Variants in IL10RA observed in about 807,000 individuals in gnomAD.
IL10RA encodes the protein interleukin 10 receptor subunit alpha.
A neutral mutation model predicts 29.6 loss-of-function variants in IL10RA; 18 were observed. The ratio of observed to expected loss-of-function variants is 0.61; its 90% CI spans 0.42 to 0.90. The LOEUF is 0.90. IL10RA is among the 40% of genes least tolerant of loss of function. IL10RA has a pLI of 0.00. For synonymous variants in IL10RA, 292 were observed against 294.1 expected (o/e 0.99, Z 0.07); for missense variants, 634 against 716.6 (o/e 0.88, Z 1.32).
Position 117,995,721 on chromosome 11 carries a change from C to T in IL10RA, c.810+11C>T, listed in dbSNP as rs763760161. On this transcript the variant is annotated intron_variant, in intron 6 of 6. Coordinates refer to ENST00000227752, the MANE Select transcript of IL10RA (RefSeq NM_001558.4). ...CTACCCAGTGTCCTGGTGAGTCTTG[C>T]AAGGAGGTCACTGCCCCGTCCTTCC... The T allele has an allele frequency of 1.9e-6, 3 of 1,612,022 alleles. No homozygotes were observed. Among genetic ancestry groups the T allele is most frequent in the South Asian group, 1.1e-5 (1 of 91,062 alleles).
At chr11:117,987,158 C>T (rs773192222) in intron 1 of IL10RA, 6 of 321,544 alleles carry the variant, frequency 1.9e-5, no homozygotes, top group Non-Finnish European at 2.5e-5. Flanking sequence ...ATGAAAGAGC[C>T]GGGAGTTGGA....
chr11:117,994,271 C>T (rs2058042556), intron 5 of IL10RA, 122 bp downstream of exon 5: 4 of 777,950 alleles, frequency 5.1e-6, no homozygotes, highest in Non-Finnish European at 8.3e-6. Flanking sequence ...TCACATAGCT[C>T]TGCATCCTTA....
In IL10RA at chr11:117,995,757, C is replaced by G. The variant is rs778675231; in HGVS notation, c.810+47C>G. On this transcript the variant is annotated intron_variant, in intron 6 of 6. Coordinates refer to ENST00000227752, the MANE Select transcript of IL10RA (RefSeq NM_001558.4). The stretch of plus-strand genomic sequence containing the variant: ...CTGCCCCGTCCTTCCCAGCCACACC[C>G]GAGCTTCCAGGAGGGCAGGGAGCTC... 8 of 1,602,586 alleles carry G rather than the reference C, an allele frequency of 5.0e-6. No homozygotes were observed. In the South Asian group the frequency reaches 8.8e-5, roughly 18 times the overall value.
Position 118,000,981 on chromosome 11 carries a change from A to G in IL10RA, c.*1340A>G. On this transcript the variant is annotated 3_prime_UTR_variant, in exon 7 of 7. Transcript: ENST00000227752. Reference sequence around the variant, plus strand: ...CCACAGGCATGGAAGCTGTGAGGGGACAGGCCTGTGCGTGCCATCCAGAGT... The same window carrying G: ...CCACAGGCATGGAAGCTGTGAGGGGGCAGGCCTGTGCGTGCCATCCAGAGT... 1 of 454,168 alleles carries G rather than the reference A, an allele frequency of 2.2e-6. No individual in the cohort carries two copies. The highest frequency in any genetic ancestry group is 4.4e-6 in the Non-Finnish European group (1 of 226,768). 28.1% of individuals were successfully genotyped at this position (454,168 alleles called of 1,614,324 possible).
At chr11:117,993,512 T>G in intron 4 of IL10RA, 102 bp downstream of exon 4, 1 of 1,049,280 alleles carries the variant, frequency 9.5e-7, no homozygotes, top group Admixed American at 1.8e-5. Context: ...GCTTATGGAC[T>G]AAAGGGAGGG....
intron 4 of IL10RA, 61 bp downstream of exon 4, chr11:117,993,471 G>A (rs1855678307): frequency 6.9e-7 from 1 of 1,450,388 alleles, no homozygotes; most frequent in Non-Finnish European, 9.7e-7. Flanking sequence ...CCCCTGGGCT[G>A]GAAGCACCCT....
At chr11:117,994,720 G>A (rs981998567) in intron 5 of IL10RA, among the ~76,000 whole-genome samples, 3 of 152,214 alleles carry the variant, frequency 2.0e-5, no homozygotes, top group African/African-American at 7.2e-5. Context: ...GCACAGAGGA[G>A]ACTGTAACAA....
In IL10RA at chr11:117,999,475, C is replaced by A; in HGVS notation, c.1571C>A (p.Ser524Ter). 6.2e-7 allele frequency: 1 copy of A among 1,614,200 alleles called. No homozygotes were observed. Among genetic ancestry groups the A allele is most frequent in the Non-Finnish European group, 8.5e-7 (1 of 1,180,024 alleles). The change falls in exon 7 of 7, where the codon TCA becomes TAA. Residue 524 changes from serine (S) to a stop codon, truncating the protein, a stop_gained. Coordinates refer to ENST00000227752, the MANE Select transcript of IL10RA (RefSeq NM_001558.4). LOFTEE classifies it low-confidence loss of function (END_TRUNC). ...GQWNQPTEEW[S>*]LLALSSCSDL... ...TGGAACCAGCCCACTGAGGAATGGTCACTCCTGGCCTTGAGCAGCTGCAGT... is the reference window on the plus strand; with the variant it reads ...TGGAACCAGCCCACTGAGGAATGGTAACTCCTGGCCTTGAGCAGCTGCAGT...
rs150953874 is a variant in IL10RA, at chr11:117,987,769, T to A, written c.68-613T>A. 7.2e-4 allele frequency: 127 copies of A among 175,292 alleles called. No individual in the cohort carries two copies. The East Asian group carries it at 0.015, about 20-fold the overall frequency. The allele number at this position is 175,292 out of a possible 1,614,324, so 10.9% of individuals were successfully genotyped here. A position where few individuals can be genotyped will look rare whatever the true frequency, so the allele number is the denominator to read the frequency against. The stretch of plus-strand genomic sequence containing the variant: ...TTGTGGGGATGTCCTCAGCCATGTG[T>A]AGAGCCAGAGCTGATTTATTCCATC... On this transcript the variant is annotated intron_variant, in intron 1 of 6. Transcript: ENST00000227752.
In IL10RA at chr11:117,999,325, G is replaced by T; in HGVS notation, c.1421G>T (p.Gly474Val). 3 of 1,614,220 alleles carry T rather than the reference G, an allele frequency of 1.9e-6. No individual in the cohort carries two copies. The South Asian group carries it at 3.3e-5, about 18-fold the overall frequency. ...GAATCGCCCTTGACAGATGGCCTTG[G>T]CCCCAAATTCGGGAGATGCCTGGTT... ...EEESPLTDGL[G>V]PKFGRCLVDE... is the part of the protein sequence containing the mutation. The change falls in exon 7 of 7, where the codon GGC becomes GTC. Residue 474 changes from glycine (G) to valine (V), a missense_variant. Coordinates refer to ENST00000227752, the MANE Select transcript of IL10RA (RefSeq NM_001558.4).
At position 117,989,671 on chromosome 11, in the gene IL10RA, A is replaced by C. The variant is rs573760785; in HGVS notation, c.367+51A>C. The C allele has an allele frequency of 1.9e-6, 3 of 1,566,046 alleles. No individual in the cohort carries two copies. The Admixed American group carries it at 5.1e-5, about 27-fold the overall frequency. On this transcript the variant is annotated intron_variant, in intron 3 of 6. Coordinates refer to ENST00000227752, the MANE Select transcript of IL10RA (RefSeq NM_001558.4). This position sits in a 1 kb window ranked among gnomAD's most constrained non-coding sequence, Gnocchi z 4.5. ...CATGGCTCTGAAGTCCCTTCCAGCC[A>C]GGAACTCTAGTCTAGAGCTTTTCTG...
At chr11:117,994,426 G>A (rs2058043458) in intron 5 of IL10RA, among the ~76,000 whole-genome samples, 1 of 152,166 alleles carries the variant, frequency 6.6e-6, no homozygotes, top group Non-Finnish European at 1.5e-5. Flanking sequence ...GCACAGCGGT[G>A]TTTCCCAACA....
In IL10RA at chr11:117,986,752, G is replaced by A. The variant is rs777725134; in HGVS notation, c.67+218G>A. 6.0e-5 allele frequency: 92 copies of A among 1,532,246 alleles called. 1 individual carries two copies. Among genetic ancestry groups the A allele is most frequent in the Non-Finnish European group, 4.3e-5 (49 of 1,145,282 alleles). 94.9% of individuals were successfully genotyped at this position (1,532,246 alleles called of 1,614,324 possible). A position where few individuals can be genotyped will look rare whatever the true frequency, so the allele number is the denominator to read the frequency against. ...CTGACGGATTGGGAAGGATAGAGAAGTATGCGCAAGGCCAAACCCCCAACC... is the reference window on the plus strand; with the variant it reads ...CTGACGGATTGGGAAGGATAGAGAAATATGCGCAAGGCCAAACCCCCAACC... On this transcript the variant is annotated intron_variant, in intron 1 of 6. Coordinates refer to ENST00000227752, the MANE Select transcript of IL10RA (RefSeq NM_001558.4).
intron 4 of IL10RA, 54 bp downstream of exon 4, chr11:117,993,464 C>G: frequency 6.6e-7 from 1 of 1,507,764 alleles, no homozygotes; most frequent in Non-Finnish European, 9.2e-7. Context: ...TCCCTGTCCC[C>G]TGGGCTGGAA....
Position 117,993,299 on chromosome 11 carries a change from G to T in IL10RA, c.426G>T (p.Lys142Asn), listed in dbSNP as rs1487076003. ...TCCACAATGGCTTCATCCTCGGGAA[G>T]ATTCAGCTACCCAGGCCCAAGATGG... ...LEIHNGFILG[K>N]IQLPRPKMAP... Residue 142 changes from lysine to asparagine, a missense_variant, in exon 4 of 7, where the codon AAG becomes AAT. Coordinates refer to ENST00000227752, the MANE Select transcript of IL10RA (RefSeq NM_001558.4). The T allele has an allele frequency of 1.9e-6, 3 of 1,614,140 alleles. No homozygotes were observed. The highest frequency in any genetic ancestry group is 1.7e-5 in the Admixed American group (1 of 60,026).
intron 6 of IL10RA, 60 bp from the exon 7 acceptor site, chr11:117,998,655 C>T: frequency 1.3e-6 from 2 of 1,485,418 alleles, no homozygotes; most frequent in South Asian, 1.1e-5. Flanking sequence ...TCCCCGGCAG[C>T]ACTGGGATGG....
At chr11:118,002,486 T>C (rs1414145200), downstream of IL10RA, 1 of 152,228 alleles carries the variant, frequency 6.6e-6, no homozygotes, top group African/African-American at 2.4e-5. Context: ...TTGGTCACTT[T>C]CTCCTGGAAA....
chr11:117,988,208 A>G (rs1326550151), intron 1 of IL10RA, 174 bp from the exon 2 acceptor site: 11 of 755,014 alleles, frequency 1.5e-5, no homozygotes, highest in Non-Finnish European at 2.0e-5. Flanking sequence ...AGGGAGACAC[A>G]CTAGCTCTAG....
intron 1 of IL10RA, 48 bp downstream of exon 1, chr11:117,986,582 C>G (rs765282374): frequency 6.5e-6 from 10 of 1,548,410 alleles, no homozygotes; most frequent in Non-Finnish European, 8.7e-6. Flanking sequence ...TCTCCGCGCC[C>G]GCTCCATTAA....
Sources: allele counts gnomAD v4.1 joint callset (sites outside exome capture counted in the v4.1 genomes callset), GRCh38; gene constraint gnomAD v4.1.1; non-coding constraint Gnocchi (gnomAD v3.1); transcripts MANE v1.5; gene names NCBI Gene and HGNC (gene_info 2026-07-23, HGNC 2026-07-21).